GABRB1: variants seen among roughly 807,000 people sequenced by gnomAD.
GABRB1 encodes the protein gamma-aminobutyric acid receptor subunit beta-1.
In GABRB1, 17 loss-of-function variants were observed where a neutral mutation model predicts 51.6. The observed-to-expected ratio is 0.33, with a 90% CI of 0.23 to 0.49. GABRB1 has a LOEUF of 0.49. Among genes scored for constraint, GABRB1 ranks in the 20% least tolerant of loss-of-function variants. GABRB1 has a pLI of 0.99. For synonymous variants in GABRB1, 247 were observed against 218.9 expected (o/e 1.13, Z -1.14); for missense variants, 410 against 600.6 (o/e 0.68, Z 3.32).
chr4:47,342,495 T>C (rs1318784402), intron 5 of GABRB1, among the ~76,000 whole-genome samples: 1 of 152,202 alleles, frequency 6.6e-6, no homozygotes, highest in African/African-American at 2.4e-5. Flanking sequence ...AGACCTGTCA[T>C]TACAGTTGAA....
intron 3 of GABRB1, among the ~76,000 whole-genome samples, chr4:47,114,326 T>G (rs758972864): frequency 1.3e-5 from 2 of 152,116 alleles, no homozygotes; most frequent in African/African-American, 4.8e-5. Flanking sequence ...GATTCTGGTT[T>G]TGATTCATTT....
chr4:47,392,823 T>G (rs955734665), intron 5 of GABRB1, among the ~76,000 whole-genome samples: 4 of 152,218 alleles, frequency 2.6e-5, no homozygotes, highest in Non-Finnish European at 5.9e-5. Context: ...AATGAAAAGC[T>G]CTGGTAATCA....
At position 47,131,321 on chromosome 4, in the gene GABRB1, G is replaced by A. The variant is rs569583839; in HGVS notation, c.241-29928G>A. Among the ~76,000 whole-genome samples, 11 of 152,146 alleles carry A rather than the reference G, an allele frequency of 7.2e-5. No individual in the cohort carries two copies. In the East Asian group the frequency reaches 2.1e-3, roughly 29 times the overall value. On this transcript the variant is annotated intron_variant, in intron 3 of 8. Coordinates refer to ENST00000295454, the MANE Select transcript of GABRB1 (RefSeq NM_000812.4). Reference sequence around the variant, plus strand: ...TTACAGGCACGTGCCACCATACCTGGCTAATTTTTGTATTTTTAGTGGAGA... The same window carrying A: ...TTACAGGCACGTGCCACCATACCTGACTAATTTTTGTATTTTTAGTGGAGA...
intron 3 of GABRB1, among the ~76,000 whole-genome samples, chr4:47,147,563 C>A (rs1311469146): frequency 6.6e-6 from 1 of 152,068 alleles, no homozygotes; most frequent in Non-Finnish European, 1.5e-5. Context: ...AATAAAAGAG[C>A]ACCCAGCTAA....
intron 4 of GABRB1, among the ~76,000 whole-genome samples, chr4:47,202,871 C>G (rs1719946043): frequency 6.6e-6 from 1 of 152,108 alleles, no homozygotes; most frequent in African/African-American, 2.4e-5. Flanking sequence ...GTTCAGGTGT[C>G]ACAGTCAGCC....
Position 47,252,650 on chromosome 4 carries a change from G to T in GABRB1, c.462-67477G>T, listed in dbSNP as rs759773342. Reference sequence around the variant, plus strand: ...AGCCTCCCAAGTAGCTGGGGTTACAGGCACCCACCACCATGCCTGGCTAAT... The same window carrying T: ...AGCCTCCCAAGTAGCTGGGGTTACATGCACCCACCACCATGCCTGGCTAAT... On this transcript the variant is annotated intron_variant, in intron 4 of 8. Transcript: ENST00000295454. Among the ~76,000 whole-genome samples the T allele has an allele frequency of 3.8e-4, 57 of 151,506 alleles. 1 individual carries two copies. Among genetic ancestry groups the T allele is most frequent in the Non-Finnish European group, 5.7e-4 (39 of 67,944 alleles).
chr4:47,293,384 C>T (rs1379830946), intron 4 of GABRB1, among the ~76,000 whole-genome samples: 1 of 152,082 alleles, frequency 6.6e-6, no homozygotes, highest in Non-Finnish European at 1.5e-5. Flanking sequence ...GGTGATCCAC[C>T]CACCTCGGCC....
At chr4:47,210,569 TA>T (rs1335239817) in intron 4 of GABRB1, among the ~76,000 whole-genome samples, 1 of 152,190 alleles carries the variant, frequency 6.6e-6, no homozygotes, top group African/African-American at 2.4e-5. Flanking sequence ...TAAGCACTAT[TA>T]GAGACTATTA....
At chr4:47,384,511 A>G (rs1037972372) in intron 5 of GABRB1, among the ~76,000 whole-genome samples, 2 of 152,212 alleles carry the variant, frequency 1.3e-5, no homozygotes, top group Non-Finnish European at 2.9e-5. Context: ...AAATCAGGAT[A>G]CACATGACTC....
intron 4 of GABRB1, among the ~76,000 whole-genome samples, chr4:47,183,673 T>C (rs917662767): frequency 1.3e-5 from 2 of 151,812 alleles, no homozygotes; most frequent in Non-Finnish European, 2.9e-5. Flanking sequence ...TACTCCCCTC[T>C]TTCTACATCT....
chr4:47,205,783 G>T (rs2109803388), intron 4 of GABRB1, among the ~76,000 whole-genome samples: 1 of 152,204 alleles, frequency 6.6e-6, no homozygotes, highest in East Asian at 1.9e-4. Flanking sequence ...GTAAGGAAGG[G>T]AAGGAAATAT....
intron 1 of GABRB1, among the ~76,000 whole-genome samples, chr4:47,019,427 A>T (rs995225988): frequency 1.3e-5 from 2 of 152,156 alleles, no homozygotes; most frequent in Admixed American, 6.5e-5. Context: ...TTCATTAAAC[A>T]CTGTATTAGT....
At chr4:47,238,536 A>T (rs569429399) in intron 4 of GABRB1, among the ~76,000 whole-genome samples, 40 of 152,282 alleles carry the variant, frequency 2.6e-4, no homozygotes, top group African/African-American at 8.7e-4. Context: ...AAATAATGCC[A>T]GCTTTCTACA....
Position 47,403,575 on chromosome 4 carries a change from G to A in GABRB1, c.699G>A (p.Leu233=). ...VEFTTGAYPR[L]SLSFRLKRNI... ...TCAACTCAGGAGCGTATCCACGACT[G>A]TCACTAAGTTTTCGTCTAAAGAGAA... Residue 233 remains leucine, a synonymous_variant, in exon 7 of 9, where the codon CTG becomes CTA. Coordinates refer to ENST00000295454, the MANE Select transcript of GABRB1 (RefSeq NM_000812.4). 1.2e-6 allele frequency: 2 copies of A among 1,613,920 alleles called. No homozygotes were observed. The highest frequency in any genetic ancestry group is 1.1e-5 in the South Asian group (1 of 91,080).
Position 47,156,225 on chromosome 4 carries a change from T to C in GABRB1, c.241-5024T>C, listed in dbSNP as rs1717692358. On this transcript the variant is annotated intron_variant, in intron 3 of 8. Coordinates refer to ENST00000295454, the MANE Select transcript of GABRB1 (RefSeq NM_000812.4). ...CCTTTTCTCCACATCCTTTCCAGTATCCATTACTGCCTGTTTTTTTAATAA... is the reference window on the plus strand; with the variant it reads ...CCTTTTCTCCACATCCTTTCCAGTACCCATTACTGCCTGTTTTTTTAATAA... Among the ~76,000 whole-genome samples the C allele has an allele frequency of 2.0e-5, 3 of 151,886 alleles. No individual in the cohort carries two copies. The South Asian group carries it at 6.2e-4, about 32-fold the overall frequency.
At chr4:47,182,009 T>C (rs1718970001) in intron 4 of GABRB1, among the ~76,000 whole-genome samples, 1 of 152,034 alleles carries the variant, frequency 6.6e-6, no homozygotes, top group South Asian at 2.1e-4. Context: ...TGGTGTAGTG[T>C]TGTGGCCCCA....
Position 47,098,874 on chromosome 4 carries a change from C to G in GABRB1, c.241-62375C>G, listed in dbSNP as rs538120132. ...GAGTAGATATCACCTAGTGGCTGTT[C>G]GTATATTTTCATTGAAAGAAAATTC... On this transcript the variant is annotated intron_variant, in intron 3 of 8. Transcript: ENST00000295454. Among the ~76,000 whole-genome samples, 16 of 151,946 alleles carry G rather than the reference C, an allele frequency of 1.1e-4. No individual in the cohort carries two copies. In the East Asian group the frequency reaches 3.1e-3, roughly 29 times the overall value.
chr4:47,382,990 T>G (rs1300983576), intron 5 of GABRB1, among the ~76,000 whole-genome samples: 1 of 152,220 alleles, frequency 6.6e-6, no homozygotes, highest in Non-Finnish European at 1.5e-5. Context: ...CCAACATGCC[T>G]ACTACAATAA....
At chr4:47,121,748 T>C (rs1245867437) in intron 3 of GABRB1, among the ~76,000 whole-genome samples, 1 of 152,198 alleles carries the variant, frequency 6.6e-6, no homozygotes, top group African/African-American at 2.4e-5. Flanking sequence ...TGAGTCATAG[T>C]TAAATTATTT....
Sources: gnomAD v4.1 joint callset for allele counts (sites outside exome capture counted in the v4.1 genomes callset) on GRCh38, gnomAD v4.1.1 for gene constraint, MANE v1.5 for transcripts, NCBI Gene and HGNC (gene_info 2026-07-23, HGNC 2026-07-21) for gene names.